LTBP2: variants seen among roughly 807,000 people sequenced by gnomAD.
LTBP2 encodes latent-transforming growth factor beta-binding protein 2.
Under a neutral mutation model 210.6 loss-of-function variants are expected in LTBP2, and 103 were observed. The observed-to-expected ratio is 0.49, with a 90% confidence interval of 0.42 to 0.58. The LOEUF is 0.58. LTBP2 is among the 20% of genes least tolerant of loss of function. The pLI is 0.00. For missense variants in LTBP2, 2,313 were observed against 2,494.5 expected, an observed-to-expected ratio of 0.93 and a Z score of 1.55; for synonymous variants, 1,007 against 1,015.0, an observed-to-expected ratio of 0.99 and a Z score of 0.15.
In LTBP2 at chr14:74,552,356, G is replaced by T; in HGVS notation, c.1230C>A (p.Cys410Ter). ...CQIPCLNGGR[C>*]IGRDECWCPA... ...GGCACCAGCATTCGTCCCTGCCGATGCAGCGGCCTCCGTTCAGGCAGGGGA... is the reference window on the plus strand; with the variant it reads ...GGCACCAGCATTCGTCCCTGCCGATTCAGCGGCCTCCGTTCAGGCAGGGGA... Residue 410 changes from cysteine to a stop codon, truncating the protein, a stop_gained, in exon 6 of 36, where the codon TGC (cysteine) becomes TGA (stop). Coordinates refer to ENST00000261978, the MANE Select transcript of LTBP2 (RefSeq NM_000428.3). LOFTEE classifies it high-confidence loss of function. 6.2e-7 allele frequency: 1 copy of T among 1,611,308 alleles called. No individual in the cohort carries two copies.
At position 74,583,255 on chromosome 14, in the gene LTBP2, C is replaced by T. The variant is rs117498726; in HGVS notation, c.830+2599G>A. 4.3e-3 allele frequency among the ~76,000 whole-genome samples: 661 copies of T among 152,310 alleles called. 3 individuals are homozygous for T. The highest frequency in any genetic ancestry group is 8.0e-3 in the Non-Finnish European group (542 of 68,018). Reference sequence around the variant, plus strand: ...ATTTCCCTCCCCAACTCCTAGAATGCCCCCTGTGTCATGTCACCACCTCTA... The same window carrying T: ...ATTTCCCTCCCCAACTCCTAGAATGTCCCCTGTGTCATGTCACCACCTCTA... On this transcript the variant is annotated intron_variant, in intron 3 of 35. Transcript: ENST00000261978.
intron 3 of LTBP2, among the ~76,000 whole-genome samples, chr14:74,564,331 TTATATATATATATTTATATATATTTATA>T (rs2087868196): frequency 4.0e-4 from 2 of 5,014 alleles, no homozygotes; most frequent in Non-Finnish European, 6.5e-4. Context: ...ATATATATAT[TTATATATATATATTTATATATATTTATA>T]TATATATTTA....
chr14:74,555,605 T>C lies in LTBP2; in HGVS notation c.919A>G (p.Ser307Gly), dbSNP rs987406269. 10 of 1,610,672 alleles carry C rather than the reference T, an allele frequency of 6.2e-6. No individual in the cohort carries two copies. The Admixed American group carries it at 6.7e-5, about 11-fold the overall frequency. ...AGGGCGTTGGAAGAGAGCTGGCTAC[T>C]GGCCGTGGCAGTCGGGTGAAGTCGG... ...TVRLHPTATASSQLSSNALPP... is the reference protein window; with the variant it reads ...TVRLHPTATAGSQLSSNALPP... The change falls in exon 4 of 36, where the codon AGT becomes GGT. Residue 307 changes from serine to glycine, a missense_variant. Physicochemically the swap from Ser to Gly is moderately conservative, Grantham distance 56. This residue lies in a region of LTBP2 where 1,867 missense variants were observed against 1,976.9 expected (regional missense o/e 0.94). Coordinates refer to ENST00000261978, the MANE Select transcript of LTBP2 (RefSeq NM_000428.3).
intron 3 of LTBP2, among the ~76,000 whole-genome samples, chr14:74,583,825 C>T (rs544105179): frequency 3.3e-5 from 5 of 152,212 alleles, no homozygotes; most frequent in African/African-American, 9.7e-5. Flanking sequence ...TGTGAGCTCC[C>T]GGGTAGCTCC....
At chr14:74,579,734 A>G (rs930188728) in intron 3 of LTBP2, among the ~76,000 whole-genome samples, 1 of 152,214 alleles carries the variant, frequency 6.6e-6, no homozygotes, top group Non-Finnish European at 1.5e-5. Context: ...AGATTAGTGC[A>G]GGCAGAGGAC....
intron 33 of LTBP2, 67 bp from the exon 34 acceptor site, chr14:74,503,001 G>T: frequency 1.3e-6 from 2 of 1,587,232 alleles, no homozygotes; most frequent in Non-Finnish European, 8.6e-7. Context: ...GGCTGGCTTT[G>T]TCTCTGGGAG....
chr14:74,609,770 G>C (rs570857056), intron 1 of LTBP2, among the ~76,000 whole-genome samples: 1 of 152,318 alleles, frequency 6.6e-6, no homozygotes, highest in South Asian at 2.1e-4. Context: ...TCCAGTACTA[G>C]AAAGCATCTG....
At position 74,502,714 on chromosome 14, in the gene LTBP2, G is replaced by A. The variant is rs751673543; in HGVS notation, c.5109C>T (p.Pro1703=). 2.5e-6 allele frequency: 4 copies of A among 1,614,212 alleles called. No homozygotes were observed. Among genetic ancestry groups the A allele is most frequent in the Non-Finnish European group, 3.4e-6 (4 of 1,180,040 alleles). ...AGGGCTGCAAAGGAGACTCAAGGAT[G>A]GGTGTGCGGTCCGCTGAGTGACCGG... The part of the protein sequence containing the change: ...NTAGHSADRT[P]ILESPLQPSE... Residue 1703 remains proline, a synonymous_variant, in exon 34 of 36, where the codon CCC becomes CCT. Transcript: ENST00000261978.
In LTBP2 at chr14:74,498,612, A is replaced by G. The variant is rs1284460467; in HGVS notation, c.*2272T>C. ...AAGGAAATATGTATATATGCATACA[A>G]TATCTCAAGGTTGGCAGGAAGGTGG... On this transcript the variant is annotated 3_prime_UTR_variant, in exon 36 of 36. Transcript: ENST00000261978. The G allele has an allele frequency of 7.8e-5, 18 of 231,152 alleles. No individual in the cohort carries two copies. In the East Asian group the frequency reaches 1.0e-3, roughly 13 times the overall value. The allele number at this position is 231,152 out of a possible 1,614,324, so 14.3% of individuals were successfully genotyped here.
intron 3 of LTBP2, among the ~76,000 whole-genome samples, chr14:74,559,141 T>A (rs1326282220): frequency 6.6e-6 from 1 of 152,120 alleles, no homozygotes; most frequent in African/African-American, 2.4e-5. Flanking sequence ...ACTAAATACA[T>A]CTCCCCAAGC....
rs699374 is a variant in LTBP2 at position 74,526,097 on chromosome 14, A to T, written c.2406T>A (p.Thr802=). The change falls in exon 14 of 36, where the codon ACT becomes ACA. Residue 802 remains threonine (T), a synonymous_variant. Coordinates refer to ENST00000261978, the MANE Select transcript of LTBP2 (RefSeq NM_000428.3). ...CACCTGTGACCCAGGCAGGTGCATG[A>T]GTGACACTGGTCGTGACCTGCACAG... ...SQAGQVTTSV[T]HAPAWVTGNA... 1 of 1,603,400 alleles carries T rather than the reference A, an allele frequency of 6.2e-7. No individual in the cohort carries two copies. Among genetic ancestry groups the T allele is most frequent in the South Asian group, 1.1e-5 (1 of 89,240 alleles).
intron 3 of LTBP2, among the ~76,000 whole-genome samples, chr14:74,558,348 T>C (rs1167424814): frequency 6.6e-6 from 1 of 152,014 alleles, no homozygotes; most frequent in East Asian, 1.9e-4. Context: ...TGAGCCAAGA[T>C]CACCCCACTG....
At chr14:74,536,082 T>C in intron 8 of LTBP2, 82 bp from the exon 9 acceptor site, 2 of 1,223,698 alleles carry the variant, frequency 1.6e-6, no homozygotes, top group Non-Finnish European at 2.4e-6. Context: ...GGGTGCAGTC[T>C]GGATGTCCAG....
intron 2 of LTBP2, among the ~76,000 whole-genome samples, chr14:74,602,851 C>T (rs1458128256): frequency 1.3e-5 from 2 of 152,244 alleles, no homozygotes; most frequent in Non-Finnish European, 2.9e-5. Context: ...TGTCATCTGA[C>T]CATCCTGGTA....
rs750657688 is a variant in LTBP2 at position 74,508,017 on chromosome 14, C to G, written c.3731G>C (p.Cys1244Ser). ...TGGGGAGGGCTGGAAGCCAGTCTCA[C>G]ATAGACAGTTGAAGGAGCCCTCGGT... ...VNTEGSFNCLCETGFQPSPES... is the reference protein window; with the variant it reads ...VNTEGSFNCLSETGFQPSPES... Residue 1244 changes from cysteine (C) to serine (S), a missense_variant, in exon 25 of 36, where the codon TGT becomes TCT. Coordinates refer to ENST00000261978, the MANE Select transcript of LTBP2 (RefSeq NM_000428.3). 1 of 1,613,984 alleles carries G rather than the reference C, an allele frequency of 6.2e-7. No homozygotes were observed. The highest frequency in any genetic ancestry group is 1.1e-5 in the South Asian group (1 of 91,086).
At chr14:74,607,891 A>T (rs2088549167) in intron 1 of LTBP2, among the ~76,000 whole-genome samples, 1 of 152,204 alleles carries the variant, frequency 6.6e-6, no homozygotes, top group African/African-American at 2.4e-5. Context: ...TCAAAATATT[A>T]AGGTTTGATA....
chr14:74,504,351 T>C (rs1458770530), intron 30 of LTBP2, among the ~76,000 whole-genome samples: 1 of 152,222 alleles, frequency 6.6e-6, no homozygotes, highest in Non-Finnish European at 1.5e-5. Flanking sequence ...GCTTCAGGAC[T>C]AGGGTGCTGA....
rs759314481 is a variant in LTBP2 at position 74,500,945 on chromosome 14, C to T, written c.5405G>A (p.Cys1802Tyr). 6.2e-7 allele frequency: 1 copy of T among 1,614,184 alleles called. No homozygotes were observed. The highest frequency in any genetic ancestry group is 1.7e-5 in the Admixed American group (1 of 60,026). ...AGCCACATATCCCGGGGAGCAGTGG[C>T]AGCGGTAGGAGCCCTCTGTGTTCTC... The part of the protein sequence containing the change: ...YCENTEGSYR[C>Y]HCSPGYVAEA... The change falls in exon 36 of 36, where the codon TGC (cysteine) becomes TAC (tyrosine). Residue 1802 changes from cysteine to tyrosine, a missense_variant. This residue lies in a region of LTBP2 where 443 missense variants were observed against 501.4 expected (regional missense o/e 0.88). Transcript: ENST00000261978.
chr14:74,531,760 G>T (rs906270695), intron 10 of LTBP2, among the ~76,000 whole-genome samples: 36 of 152,350 alleles, frequency 2.4e-4, no homozygotes, highest in African/African-American at 8.4e-4. Flanking sequence ...CTCTGGTCAG[G>T]CCTCCCGGCC....
Sources: gnomAD v4.1 joint callset for allele counts (sites outside exome capture counted in the v4.1 genomes callset) on GRCh38, gnomAD v4.1.1 for gene constraint, gnomAD v4.1.1 regional missense constraint, MANE v1.5 for transcripts, NCBI Gene and HGNC (gene_info 2026-07-23, HGNC 2026-07-21) for gene names.